MID1: variants seen among roughly 807,000 people sequenced by gnomAD.
MID1 encodes midline 1.
MID1 carries 7 observed loss-of-function variants against 40.4 expected under a neutral mutation model. The ratio of observed to expected loss-of-function variants is 0.17; its 90% CI spans 0.10 to 0.33. The LOEUF is 0.33. MID1 is among the 10% of genes least tolerant of loss of function. The pLI, the probability that MID1 is intolerant of heterozygous loss-of-function variation, is 1.00. For missense variants in MID1, 367 were observed against 558.5 expected (o/e 0.66, Z 3.46); for synonymous variants, 229 against 221.2 (o/e 1.04, Z -0.31).
rs1379754388 is a variant in MID1, at chrX:10,567,375, G to A, written c.173C>T (p.Thr58Ile). The change falls in exon 2 of 10, where the codon ACC (threonine) becomes ATC (isoleucine). Residue 58 changes from threonine (T) to isoleucine (I), a missense_variant. Coordinates refer to ENST00000317552, the MANE Select transcript of MID1 (RefSeq NM_000381.4). ...GCTGAGGGTGATGACATGCCGGCAG[G>A]TGGGGCACTGGAAGGCGGTGATGGA... ...VESITAFQCP[T>I]CRHVITLSQR... 1.7e-6 allele frequency: 2 copies of A among 1,199,857 alleles called. No individual in the cohort carries two copies. Among genetic ancestry groups the A allele is most frequent in the Non-Finnish European group, 2.3e-6 (2 of 888,753 alleles).
At chrX:10,493,702 C>A (rs1231166389) in intron 4 of MID1, among the ~76,000 whole-genome samples, 1 of 112,096 alleles carries the variant, frequency 8.9e-6, no homozygotes, top group Non-Finnish European at 1.9e-5. Flanking sequence ...GTTCTCACCA[C>A]AAGAAAAGGC....
At chrX:10,705,324 A>G (rs1417809316) in intron 1 of MID1, among the ~76,000 whole-genome samples, 3 of 112,065 alleles carry the variant, frequency 2.7e-5, no homozygotes, top group Non-Finnish European at 5.6e-5. Context: ...TCTTAAAAAT[A>G]GAGACAACTA....
chrX:10,798,796 T>C (rs981846009), intron 1 of MID1, among the ~76,000 whole-genome samples: 92 of 111,862 alleles, frequency 8.2e-4, no homozygotes, highest in Middle Eastern at 4.6e-3. Flanking sequence ...GTAGGAATTT[T>C]AGAGACTGTC....
chrX:10,682,702 T>C (rs1308704098), intron 1 of MID1, among the ~76,000 whole-genome samples: 1 of 111,859 alleles, frequency 8.9e-6, no homozygotes, highest in African/African-American at 3.2e-5. Context: ...GGTGTTCATG[T>C]AATGTTCTAT....
rs138855599 is a variant in MID1 at position 10,635,875 on chromosome X, G to A, written c.-186-15456C>T. Among the ~76,000 whole-genome samples, 373 of 111,951 alleles carry A rather than the reference G, an allele frequency of 3.3e-3. 2 individuals carry two copies. Among genetic ancestry groups the A allele is most frequent in the African/African-American group, 0.011 (354 of 30,847 alleles). Reference sequence around the variant, plus strand: ...GTCTGTCACAGTCATGTCTTCACTCGTGAAGATTGAAAGCAATGTCACATG... The same window carrying A: ...GTCTGTCACAGTCATGTCTTCACTCATGAAGATTGAAAGCAATGTCACATG... On this transcript the variant is annotated intron_variant, in intron 1 of 10. Coordinates refer to the MID1 transcript ENST00000380785.
intron 4 of MID1, among the ~76,000 whole-genome samples, chrX:10,494,169 A>G (rs989062935): frequency 1.8e-5 from 2 of 112,364 alleles, no homozygotes; most frequent in Admixed American, 1.9e-4. Flanking sequence ...ACCAGCATCA[A>G]TAACTATTTG....
chrX:10,632,725 G>A (rs892095517), intron 1 of MID1, among the ~76,000 whole-genome samples: 2 of 111,218 alleles, frequency 1.8e-5, no homozygotes, highest in Non-Finnish European at 3.8e-5. Flanking sequence ...TCAGGGGTTG[G>A]CAAACTCAGG....
chrX:10,797,622 T>C (rs961030574), intron 1 of MID1, among the ~76,000 whole-genome samples: 1 of 111,400 alleles, frequency 9.0e-6, no homozygotes, highest in Non-Finnish European at 1.9e-5. Context: ...CTGGCTCCCA[T>C]TGTGAGGTCA....
At chrX:10,466,741 G>A (rs1929407061) in intron 7 of MID1, among the ~76,000 whole-genome samples, 1 of 111,920 alleles carries the variant, frequency 8.9e-6, no homozygotes, top group Admixed American at 9.5e-5. Context: ...ATTAACTTGT[G>A]TTTCAGGTTT....
intron 7 of MID1, among the ~76,000 whole-genome samples, chrX:10,461,083 A>AATATAT (rs35175429): frequency 0.01 from 1,007 of 99,338 alleles, 20 homozygotes; most frequent in African/African-American, 0.037. Flanking sequence ...CAGTGAATTA[A>AATATAT]ATATATATAT....
chrX:10,767,183 T>A lies in MID1; in HGVS notation c.-187+66371A>T, dbSNP rs190459700. On this transcript the variant is annotated intron_variant, in intron 1 of 10. Coordinates refer to the MID1 transcript ENST00000380785. ...TTAAATTTAGAAAGACATTTAGTAA[T>A]CATAGGGACAAACTGGGTATGTGAT... Among the ~76,000 whole-genome samples the A allele has an allele frequency of 8.9e-5, 10 of 112,260 alleles. No homozygotes were observed. In the East Asian group the frequency reaches 2.8e-3, roughly 31 times the overall value.
At chrX:10,811,891 A>C (rs1307221552) in intron 1 of MID1, among the ~76,000 whole-genome samples, 1 of 112,146 alleles carries the variant, frequency 8.9e-6, no homozygotes, top group African/African-American at 3.2e-5. Flanking sequence ...CCTTTTTCCC[A>C]AGATTACATC....
intron 1 of MID1, among the ~76,000 whole-genome samples, chrX:10,569,412 G>T (rs888407000): frequency 2.7e-5 from 3 of 112,389 alleles, no homozygotes; most frequent in South Asian, 7.4e-4. Flanking sequence ...GGTTGCTGTT[G>T]TAAGAAACAT....
chrX:10,577,968 A>G (rs1003671861), intron 1 of MID1, among the ~76,000 whole-genome samples: 3 of 112,196 alleles, frequency 2.7e-5, no homozygotes, highest in Non-Finnish European at 5.6e-5. Context: ...TTCATAATCC[A>G]GACATTTGGA....
At chrX:10,622,876 A>C (rs1857638702), upstream of MID1, among the ~76,000 whole-genome samples, 1 of 111,293 alleles carries the variant, frequency 9.0e-6, no homozygotes, top group Non-Finnish European at 1.9e-5. Context: ...AAACAAATGG[A>C]AATGTTTAAA....
At chrX:10,463,698 A>G (rs1345655265) in intron 7 of MID1, among the ~76,000 whole-genome samples, 1 of 111,909 alleles carries the variant, frequency 8.9e-6, no homozygotes, top group Non-Finnish European at 1.9e-5. Context: ...CACAAGACTA[A>G]GGTGTTTACT....
chrX:10,509,095 A>AGGGC (rs1475453402), intron 3 of MID1, among the ~76,000 whole-genome samples: 1 of 111,663 alleles, frequency 9.0e-6, no homozygotes, highest in Non-Finnish European at 1.9e-5. Context: ...TGGCAGTAGA[A>AGGGC]GGGCAGGCAG....
chrX:10,566,860 G>A (rs1295249758), intron 2 of MID1, 28 bp downstream of exon 2: 2 of 1,196,652 alleles, frequency 1.7e-6, no homozygotes, highest in Admixed American at 4.4e-5. Context: ...TGGCAGAAAG[G>A]GGTTGGCTTA....
chrX:10,492,363 C>T (rs1185758297), intron 4 of MID1, among the ~76,000 whole-genome samples: 1 of 111,368 alleles, frequency 9.0e-6, no homozygotes, highest in East Asian at 2.8e-4. Flanking sequence ...CTCTCTCACC[C>T]TCCTTGCTCA....
Sources: allele counts gnomAD v4.1 joint callset (sites outside exome capture counted in the v4.1 genomes callset), GRCh38; gene constraint gnomAD v4.1.1; transcripts MANE v1.5; gene names NCBI Gene and HGNC (gene_info 2026-07-23, HGNC 2026-07-21).